The following LOC400499 variants were observed in gnomAD, a reference collection of about 807,000 sequenced individuals.
At chr16:11,410,719 T>C in the LOC400499 span, among the ~76,000 whole-genome samples, 1 of 152,006 alleles carries the variant, frequency 6.6e-6, no homozygotes. Flanking sequence ...TTTTTTTTAC[T>C]AAACAACTAC....
the LOC400499 span, among the ~76,000 whole-genome samples, chr16:11,468,382 G>A: frequency 6.6e-6 from 1 of 152,156 alleles, no homozygotes; most frequent in Non-Finnish European, 1.5e-5. Context: ...GGAGTGCAGT[G>A]GCAGAAGCAT....
chr16:11,460,541 C>T, the LOC400499 span: 1 of 1,535,542 alleles, frequency 6.5e-7, no homozygotes, highest in Non-Finnish European at 8.7e-7. Flanking sequence ...CCTGTAGGCA[C>T]CGTCTGAGCC....
At chr16:11,443,330 CAAAAAAAAAAAAAA>C in the LOC400499 span, 15 of 260,872 alleles carry the variant, frequency 5.7e-5, no homozygotes, top group East Asian at 1.5e-3. Flanking sequence ...TCCTCAGTCT[CAAAAAAAAAAAAAA>C]AAAAAAAAAA....
the LOC400499 span, among the ~76,000 whole-genome samples, chr16:11,448,689 T>C: frequency 1.3e-5 from 2 of 151,882 alleles, no homozygotes; most frequent in Non-Finnish European, 1.5e-5. Flanking sequence ...ACAGCATCAC[T>C]GAACTCCAGC....
At chr16:11,460,093 C>G in the LOC400499 span, 1 of 1,308,518 alleles carries the variant, frequency 7.6e-7, no homozygotes. Context: ...CATGGAGGCC[C>G]TGCCCACCCA....
At chr16:11,402,016 C>G in the LOC400499 span, 2 of 398,996 alleles carry the variant, frequency 5.0e-6, no homozygotes, top group Non-Finnish European at 8.8e-6. Context: ...CCCAGGGTCA[C>G]CTTCCGGCCC....
the LOC400499 span, chr16:11,401,263 C>G: frequency 2.5e-6 from 1 of 399,134 alleles, no homozygotes; most frequent in African/African-American, 2.1e-5. Flanking sequence ...CATCCTCACT[C>G]ACCTGCCGGC....
the LOC400499 span, among the ~76,000 whole-genome samples, chr16:11,458,413 G>A: frequency 6.6e-6 from 1 of 152,038 alleles, no homozygotes; most frequent in South Asian, 2.1e-4. Flanking sequence ...GCTGAGGCAG[G>A]AGAATCGCTT....
chr16:11,504,412 C>T, the LOC400499 span, among the ~76,000 whole-genome samples: 3 of 151,362 alleles, frequency 2.0e-5, no homozygotes, highest in Middle Eastern at 3.2e-3. Flanking sequence ...AAAAATTAGC[C>T]AGGCGTGGTG....
chr16:11,394,587 G>A, the LOC400499 span, among the ~76,000 whole-genome samples: 10,574 of 152,368 alleles, frequency 0.069, 505 homozygotes, highest in Non-Finnish European at 0.11. Flanking sequence ...TTCTATACCT[G>A]TGAACGTGGT....
chr16:11,459,851 T>C, the LOC400499 span: 4 of 1,316,610 alleles, frequency 3.0e-6, no homozygotes, highest in Non-Finnish European at 3.9e-6. Context: ...CTACCGTCCA[T>C]GCTGGACTCA....
chr16:11,509,279 G>A, the LOC400499 span, among the ~76,000 whole-genome samples: 12 of 151,260 alleles, frequency 7.9e-5, no homozygotes, highest in African/African-American at 1.2e-4. Flanking sequence ...CACCACGCCC[G>A]GCTAATTTTT....
the LOC400499 span, among the ~76,000 whole-genome samples, chr16:11,403,796 G>A: frequency 5.9e-5 from 9 of 152,230 alleles, no homozygotes; most frequent in South Asian, 1.5e-3. Flanking sequence ...CATGGCTGCT[G>A]TTGTTGGCGC....
At chr16:11,479,315 C>T in the LOC400499 span, among the ~76,000 whole-genome samples, 6,841 of 151,878 alleles carry the variant, frequency 0.045, 298 homozygotes, top group East Asian at 0.17. Context: ...TTTAGATTTA[C>T]GGAAAAGTTG....
At chr16:11,399,500 T>C in the LOC400499 span, 3 of 398,664 alleles carry the variant, frequency 7.5e-6, no homozygotes, top group Non-Finnish European at 1.3e-5. Context: ...CCGCATGCGG[T>C]GCTGGCCCCA....
the LOC400499 span, among the ~76,000 whole-genome samples, chr16:11,429,969 C>G: frequency 5.3e-5 from 8 of 152,234 alleles, no homozygotes; most frequent in African/African-American, 1.7e-4. Flanking sequence ...AAGGAAATAA[C>G]TAAAAGCTTT....
chr16:11,381,791 G>A, the LOC400499 span, among the ~76,000 whole-genome samples: 2 of 152,236 alleles, frequency 1.3e-5, no homozygotes, highest in South Asian at 2.1e-4. Flanking sequence ...TTATCAACAT[G>A]TTCTTCCTTC....
the LOC400499 span, among the ~76,000 whole-genome samples, chr16:11,416,959 C>G: frequency 6.6e-6 from 1 of 152,044 alleles, no homozygotes; most frequent in Non-Finnish European, 1.5e-5. Flanking sequence ...CCTGTGTGAT[C>G]GGGACGGCTG....
At chr16:11,494,496 T>G in the LOC400499 span, 13 of 219,544 alleles carry the variant, frequency 5.9e-5, no homozygotes, top group East Asian at 9.0e-5. Context: ...CCCCACCCTC[T>G]CCACCTGGAG....
Sources: allele counts gnomAD v4.1 joint callset (sites outside exome capture counted in the v4.1 genomes callset), GRCh38; gene constraint gnomAD v4.1.1; transcripts MANE v1.5.